Variants in GLDC observed in about 807,000 individuals in gnomAD.
GLDC encodes glycine dehydrogenase (decarboxylating), mitochondrial.
Under a neutral mutation model 121.3 loss-of-function variants are expected in GLDC, and 104 were observed. That is an observed-to-expected ratio of 0.86 (90% CI 0.73 to 1.01). The LOEUF (loss-of-function observed/expected upper bound fraction) is 1.01, where lower values mean the gene tolerates loss of function less well. Among genes scored for constraint, GLDC ranks in the 50% least tolerant of loss-of-function variants. The pLI is 0.00. For missense variants in GLDC, 1,429 were observed against 1,306.6 expected (o/e 1.09, Z -1.44); for synonymous variants, 546 against 480.6 (o/e 1.14, Z -1.78).
At chr9:6,539,085 G>T (rs1408807080) in intron 22 of GLDC, among the ~76,000 whole-genome samples, 1 of 152,044 alleles carries the variant, frequency 6.6e-6, no homozygotes, top group Non-Finnish European at 1.5e-5. Context: ...TTAAAACTCA[G>T]AGAGGACTCC....
chr9:6,617,101 G>A (rs916732291), intron 3 of GLDC, among the ~76,000 whole-genome samples: 2 of 151,962 alleles, frequency 1.3e-5, no homozygotes, highest in Non-Finnish European at 1.5e-5. Context: ...TTCCCCTCAC[G>A]TCTCCGGAAT....
chr9:6,639,659 T>TAAAA (rs202066422), intron 2 of GLDC: 37 of 269,122 alleles, frequency 1.4e-4, no homozygotes, highest in Non-Finnish European at 1.9e-4. Flanking sequence ...CTTTTCACCA[T>TAAAA]AAAAAAAAAG....
chr9:6,587,702 A>T (rs749999942), intron 14 of GLDC, among the ~76,000 whole-genome samples: 1 of 152,172 alleles, frequency 6.6e-6, no homozygotes, highest in Non-Finnish European at 1.5e-5. Flanking sequence ...AGTGGTTCAC[A>T]CCTATAATTC....
At chr9:6,537,552 C>T (rs1369192868) in intron 22 of GLDC, among the ~76,000 whole-genome samples, 1 of 152,212 alleles carries the variant, frequency 6.6e-6, no homozygotes, top group Non-Finnish European at 1.5e-5. Context: ...AGGCCAAGGC[C>T]AGCGGATTGC....
intron 20 of GLDC, among the ~76,000 whole-genome samples, 153 bp from the exon 21 acceptor site, chr9:6,551,067 G>C (rs2129706353): frequency 6.6e-6 from 1 of 152,232 alleles, no homozygotes. Flanking sequence ...ATTCCAACAA[G>C]GATATCTGTC....
chr9:6,576,737 G>A (rs1818073353), intron 15 of GLDC, among the ~76,000 whole-genome samples: 2 of 152,188 alleles, frequency 1.3e-5, no homozygotes, highest in Non-Finnish European at 2.9e-5. Flanking sequence ...AAAGTGCTGG[G>A]ATTACAGGCG....
rs1817500064 is a variant in GLDC at position 6,550,919 on chromosome 9, A to C, written c.2458-5T>G. ...AAGACCCTTGCCTCCCATCATCTGC[A>C]ACAAAGGGAAAAAGAGCCATTAGCC... is the stretch of plus-strand genomic sequence containing the variant. On this transcript the variant is annotated splice_region_variant and splice_polypyrimidine_tract_variant and intron_variant, in intron 20 of 24. Coordinates refer to ENST00000321612, the MANE Select transcript of GLDC (RefSeq NM_000170.3). 6.3e-7 allele frequency: 1 copy of C among 1,580,932 alleles called. No individual in the cohort carries two copies. Among genetic ancestry groups the C allele is most frequent in the Non-Finnish European group, 8.7e-7 (1 of 1,149,790 alleles).
intron 21 of GLDC, among the ~76,000 whole-genome samples, chr9:6,549,552 G>A (rs1817466187): frequency 6.6e-6 from 1 of 152,170 alleles, no homozygotes; most frequent in African/African-American, 2.4e-5. Context: ...CCATCTACTT[G>A]AGGCGTTTTG....
At chr9:6,634,119 C>T (rs571169497) in intron 2 of GLDC, among the ~76,000 whole-genome samples, 5 of 152,044 alleles carry the variant, frequency 3.3e-5, no homozygotes, top group African/African-American at 1.2e-4. Context: ...TGTGAGCCAC[C>T]GCGCCCGGCA....
Position 6,606,627 on chromosome 9 carries a change from G to A in GLDC, c.678C>T (p.His226=), listed in dbSNP as rs12006003. ...RRKFLVDPRC[H]PQTIAVVQTR... ...TCTGGACAACAGCTATTGTCTGTGG[G>A]TGGCAACGGGGATCAACGAGAAATT... Residue 226 remains histidine, a synonymous_variant, in exon 5 of 25, where the codon CAC becomes CAT. Transcript: ENST00000321612. 6.9e-4 allele frequency: 1,108 copies of A among 1,609,706 alleles called. 4 individuals carry two copies. The African/African-American group carries it at 9.0e-3, about 13-fold the overall frequency.
At chr9:6,600,697 A>AG (rs1234779780) in intron 8 of GLDC, among the ~76,000 whole-genome samples, 103 of 150,020 alleles carry the variant, frequency 6.9e-4, no homozygotes, top group African/African-American at 1.5e-3. Context: ...AAGAAGAAGA[A>AG]AAAAAAAAAG....
At chr9:6,559,516 TAAAAAAAAAAAAA>T (rs56198084) in intron 16 of GLDC, among the ~76,000 whole-genome samples, 1 of 83,276 alleles carries the variant, frequency 1.2e-5, no homozygotes, top group Non-Finnish European at 2.2e-5. Flanking sequence ...ACTCCGTATT[TAAAAAAAAAAAAA>T]AAAAAAAAAA....
intron 11 of GLDC, among the ~76,000 whole-genome samples, chr9:6,590,121 G>T (rs1182888327): frequency 6.6e-6 from 1 of 151,804 alleles, no homozygotes; most frequent in Non-Finnish European, 1.5e-5. Context: ...TTTCTTAAAT[G>T]TGACACCAAA....
Position 6,565,752 on chromosome 9 carries a change from C to T in GLDC, c.1851-323G>A, listed in dbSNP as rs1363548503. 13 of 558,048 alleles carry T rather than the reference C, an allele frequency of 2.3e-5. No homozygotes were observed. The East Asian group carries it at 3.8e-4, about 16-fold the overall frequency. The allele number at this position is 558,048 out of a possible 1,614,324, so 34.6% of individuals were successfully genotyped here. A position where few individuals can be genotyped will look rare whatever the true frequency, so the allele number is the denominator to read the frequency against. On this transcript the variant is annotated intron_variant, in intron 15 of 24. Transcript: ENST00000321612. Reference sequence around the variant, plus strand: ...AAAATTTCAAAACTATACCAAAATACAGTGAAGAACAAAAGGAACTACGAC... The same window carrying T: ...AAAATTTCAAAACTATACCAAAATATAGTGAAGAACAAAAGGAACTACGAC...
At chr9:6,542,408 T>G (rs1419320798) in intron 21 of GLDC, 1 of 152,064 alleles carries the variant, frequency 6.6e-6, no homozygotes, top group East Asian at 2.0e-4. Flanking sequence ...CCCAGCTAAT[T>G]TTTGTATTTT....
intron 17 of GLDC, 56 bp from the exon 18 acceptor site, chr9:6,556,358 G>A: frequency 4.2e-6 from 6 of 1,417,866 alleles, no homozygotes; most frequent in Middle Eastern, 1.7e-4. Flanking sequence ...TTCTTTCTTG[G>A]CCAAATCCTC....
chr9:6,560,987 C>T (rs1376916145), intron 16 of GLDC, among the ~76,000 whole-genome samples: 1 of 152,148 alleles, frequency 6.6e-6, no homozygotes, highest in African/African-American at 2.4e-5. Flanking sequence ...GAAGCTCGAG[C>T]CAAGGAACGC....
rs1477281870 is a variant in GLDC at position 6,644,660 on chromosome 9, A to T, written c.288T>A (p.Pro96=). ...AGGGTCTTTTCAAACGGATGTTGGC[A>T]GGGACCGTCTTCTCGATCAATTCAT... ...SIDELIEKTV[P]ANIRLKRPLK... Residue 96 remains proline, a synonymous_variant, in exon 2 of 25, where the codon CCT becomes CCA. Coordinates refer to ENST00000321612, the MANE Select transcript of GLDC (RefSeq NM_000170.3). 2 of 1,613,524 alleles carry T rather than the reference A, an allele frequency of 1.2e-6. No individual in the cohort carries two copies. The highest frequency in any genetic ancestry group is 1.7e-5 in the Admixed American group (1 of 60,006).
intron 16 of GLDC, among the ~76,000 whole-genome samples, chr9:6,564,109 G>A (rs778528535): frequency 3.3e-5 from 5 of 152,058 alleles, no homozygotes; most frequent in African/African-American, 4.8e-5. Context: ...TTAGCCGGGC[G>A]TGGTGGCGCA....
Sources: gnomAD v4.1 joint callset for allele counts (sites outside exome capture counted in the v4.1 genomes callset) on GRCh38, gnomAD v4.1.1 for gene constraint, MANE v1.5 for transcripts, NCBI Gene and HGNC (gene_info 2026-07-23, HGNC 2026-07-21) for gene names.